Variants in PSEN1 observed in about 807,000 individuals in gnomAD.
PSEN1 encodes presenilin-1.
In PSEN1, 15 loss-of-function variants were observed where a neutral mutation model predicts 53.5. The ratio of observed to expected loss-of-function variants is 0.28; its 90% CI spans 0.19 to 0.43. The LOEUF is 0.43. Ranked by LOEUF, PSEN1 falls within the 20% of genes least tolerant of loss-of-function variation. The pLI is 1.00. For missense variants in PSEN1, 387 were observed against 571.2 expected (o/e 0.68, Z 3.29); for synonymous variants, 208 against 209.8 (o/e 0.99, Z 0.08).
chr14:73,211,231 A>G (rs781599648), intron 9 of PSEN1, among the ~76,000 whole-genome samples: 6 of 152,316 alleles, frequency 3.9e-5, no homozygotes, highest in South Asian at 2.1e-4. Context: ...AAGTAGCCCA[A>G]CTTCCTACTC....
chr14:73,140,905 T>C (rs905453862), intron 1 of PSEN1, among the ~76,000 whole-genome samples: 9 of 152,228 alleles, frequency 5.9e-5, no homozygotes, highest in African/African-American at 2.2e-4. Context: ...AGGGCTCTGC[T>C]TCCTTGTAGG....
At chr14:73,184,831 G>C (rs1432694647) in intron 5 of PSEN1, among the ~76,000 whole-genome samples, 3 of 143,786 alleles carry the variant, frequency 2.1e-5, no homozygotes, top group African/African-American at 5.2e-5. Flanking sequence ...CGGGCGGAGG[G>C]GCTCCTCACT....
chr14:73,179,400 T>A (rs1417084581), intron 5 of PSEN1, among the ~76,000 whole-genome samples: 1 of 152,212 alleles, frequency 6.6e-6, no homozygotes, highest in Admixed American at 6.5e-5. Context: ...GCAGATTGCC[T>A]GAGCTCATGA....
chr14:73,208,734 G>T, intron 9 of PSEN1: 1 of 420,718 alleles, frequency 2.4e-6, no homozygotes, highest in Non-Finnish European at 4.7e-6. Flanking sequence ...TCTCACTGTG[G>T]TCTGTGGAAC....
At chr14:73,187,579 G>GA (rs1245066318) in intron 6 of PSEN1, among the ~76,000 whole-genome samples, 4 of 151,920 alleles carry the variant, frequency 2.6e-5, no homozygotes, top group Non-Finnish European at 2.9e-5. Context: ...TGATATTCTA[G>GA]AAAAAAAATT....
intron 3 of PSEN1, among the ~76,000 whole-genome samples, chr14:73,157,681 A>G (rs1897400632): frequency 6.6e-6 from 1 of 151,784 alleles, no homozygotes; most frequent in Non-Finnish European, 1.5e-5. Context: ...GCGCGCAGCC[A>G]TTTACTATTA....
intron 3 of PSEN1, among the ~76,000 whole-genome samples, chr14:73,163,722 G>A (rs371983982): frequency 6.6e-6 from 1 of 152,166 alleles, no homozygotes; most frequent in Non-Finnish European, 1.5e-5. Flanking sequence ...GTGGGAGAAG[G>A]GCATTCCAGA....
chr14:73,193,112 C>T (rs2140094420), intron 7 of PSEN1, among the ~76,000 whole-genome samples: 1 of 152,076 alleles, frequency 6.6e-6, no homozygotes, highest in South Asian at 2.1e-4. Context: ...GAGTTCAAGA[C>T]CAGCCTGGGC....
intron 5 of PSEN1, chr14:73,174,155 AAGC>A (rs1318876573): frequency 1.0e-5 from 2 of 194,056 alleles, no homozygotes; most frequent in African/African-American, 4.7e-5. Flanking sequence ...CAAAAAATAA[AAGC>A]AGAAAACAAA....
chr14:73,153,923 A>C (rs1897290137), intron 3 of PSEN1, among the ~76,000 whole-genome samples: 1 of 152,090 alleles, frequency 6.6e-6, no homozygotes, highest in Non-Finnish European at 1.5e-5. Context: ...CATGTTGGTC[A>C]GGCTGGTCTC....
In PSEN1 at chr14:73,171,058, GT is replaced by G. The variant is rs762141719; in HGVS notation, c.338+15del. Reference sequence around the variant, plus strand: ...GAAGGATGGGCAGCTGTACGTATGAGTTTTGTTTTATTATTCTCAAAGCCAG... The same window carrying G: ...GAAGGATGGGCAGCTGTACGTATGAGTTTGTTTTATTATTCTCAAAGCCAG... On this transcript the variant is annotated intron_variant, in intron 4 of 11. Coordinates refer to ENST00000324501, the MANE Select transcript of PSEN1 (RefSeq NM_000021.4). 7.4e-6 allele frequency: 12 copies of G among 1,613,900 alleles called. No individual in the cohort carries two copies. The South Asian group carries it at 8.8e-5, about 12-fold the overall frequency.
intron 3 of PSEN1, among the ~76,000 whole-genome samples, chr14:73,154,042 GA>G (rs1255902105): frequency 6.6e-6 from 1 of 151,718 alleles, no homozygotes; most frequent in Non-Finnish European, 1.5e-5. Flanking sequence ...ATTAATTATT[GA>G]AAAAATGTAT....
intron 1 of PSEN1, among the ~76,000 whole-genome samples, chr14:73,138,967 G>GA (rs199573803): frequency 1.5e-3 from 204 of 136,332 alleles, no homozygotes; most frequent in African/African-American, 5.0e-3. Context: ...ACTCTGTCAA[G>GA]AAAAAAAGAA....
intron 3 of PSEN1, chr14:73,159,872 G>C: frequency 6.5e-6 from 1 of 153,590 alleles, no homozygotes; most frequent in Non-Finnish European, 1.5e-5. Flanking sequence ...GCCCAGGCTA[G>C]AGTGCAGTGG....
chr14:73,145,373 C>G (rs1308865781), intron 1 of PSEN1, among the ~76,000 whole-genome samples: 1 of 151,992 alleles, frequency 6.6e-6, no homozygotes, highest in Non-Finnish European at 1.5e-5. Flanking sequence ...CTCACTCTGT[C>G]ACTCAGGCTG....
chr14:73,187,402 T>C (rs1898557315), intron 6 of PSEN1, among the ~76,000 whole-genome samples: 2 of 152,192 alleles, frequency 1.3e-5, no homozygotes, highest in Non-Finnish European at 2.9e-5. Flanking sequence ...CCTGGCCTTT[T>C]TCTCAGCTCA....
At chr14:73,177,652 A>C (rs2140053006) in intron 5 of PSEN1, among the ~76,000 whole-genome samples, 2 of 152,282 alleles carry the variant, frequency 1.3e-5, no homozygotes, top group East Asian at 3.9e-4. Context: ...TGGGCAGAAA[A>C]TTGTCTTGAT....
At position 73,223,398 on chromosome 14, in the gene PSEN1, A is replaced by T. The variant is rs551207332; in HGVS notation, c.*4109A>T. ...CCCAGAAAGCAATTTTCCTTTTGAAATACGTAATTGTTGAGACTAGGCAGT... is the reference window on the plus strand; with the variant it reads ...CCCAGAAAGCAATTTTCCTTTTGAATTACGTAATTGTTGAGACTAGGCAGT... On this transcript the variant is annotated 3_prime_UTR_variant, in exon 12 of 12. Transcript: ENST00000324501. 1.9e-4 allele frequency: 29 copies of T among 152,338 alleles called. No homozygotes were observed. Among genetic ancestry groups the T allele is most frequent in the African/African-American group, 6.7e-4 (28 of 41,576 alleles). The allele number at this position is 152,338 out of a possible 1,614,324, so 9.4% of individuals were successfully genotyped here. A position where few individuals can be genotyped will look rare whatever the true frequency, so the allele number is the denominator to read the frequency against.
At chr14:73,214,318 A>G (rs1328762142) in intron 10 of PSEN1, among the ~76,000 whole-genome samples, 1 of 152,092 alleles carries the variant, frequency 6.6e-6, no homozygotes, top group Non-Finnish European at 1.5e-5. Flanking sequence ...ACCACCTGAG[A>G]TCAGGAGTTC....
Sources: allele counts gnomAD v4.1 joint callset (sites outside exome capture counted in the v4.1 genomes callset), GRCh38; gene constraint gnomAD v4.1.1; transcripts MANE v1.5; gene names NCBI Gene and HGNC (gene_info 2026-07-23, HGNC 2026-07-21).